The following PDIA5 variants were observed in gnomAD, a reference collection of about 807,000 sequenced individuals.
PDIA5 encodes protein disulfide-isomerase A5.
A neutral mutation model predicts 77.6 loss-of-function variants in PDIA5; 58 were observed. The observed-to-expected ratio is 0.75, with a 90% CI of 0.61 to 0.93. The LOEUF is 0.93. Among genes scored for constraint, PDIA5 ranks in the 40% least tolerant of loss-of-function variants. The probability of loss-of-function intolerance (pLI) is 0.00; values close to 1 mark genes in which losing one functional copy is unlikely to be tolerated. For synonymous variants in PDIA5, 250 were observed against 252.1 expected, an observed-to-expected ratio of 0.99 and a Z score of 0.08; for missense variants, 630 against 647.7, an observed-to-expected ratio of 0.97 and a Z score of 0.30.
intron 15 of PDIA5, among the ~76,000 whole-genome samples, chr3:123,159,544 T>A (rs1936105178): frequency 6.6e-6 from 1 of 152,214 alleles, no homozygotes; most frequent in Non-Finnish European, 1.5e-5. Flanking sequence ...GTCTTCTGAC[T>A]TTTAAAGAGA....
intron 10 of PDIA5, among the ~76,000 whole-genome samples, chr3:123,127,426 G>A (rs999381247): frequency 6.6e-6 from 1 of 152,172 alleles, no homozygotes; most frequent in Non-Finnish European, 1.5e-5. Context: ...AGGAGCATTT[G>A]GGTAGTACTT....
At chr3:123,147,099 C>A (rs1935792160) in intron 13 of PDIA5, among the ~76,000 whole-genome samples, 1 of 152,180 alleles carries the variant, frequency 6.6e-6, no homozygotes, top group East Asian at 1.9e-4. Context: ...GCGTGAACCA[C>A]CATGTGCAGC....
At chr3:123,139,043 A>G (rs2107974556) in intron 11 of PDIA5, among the ~76,000 whole-genome samples, 1 of 152,372 alleles carries the variant, frequency 6.6e-6, no homozygotes, top group East Asian at 1.9e-4. Context: ...CAACATTCCC[A>G]CAGCCAGAAA....
At chr3:123,149,239 A>C (rs1935830796) in intron 13 of PDIA5, among the ~76,000 whole-genome samples, 1 of 152,208 alleles carries the variant, frequency 6.6e-6, no homozygotes, top group African/African-American at 2.4e-5. Context: ...CCTGAAAAAC[A>C]CCTGGAAATA....
intron 1 of PDIA5, 58 bp downstream of exon 1, chr3:123,067,264 C>A: frequency 8.4e-7 from 1 of 1,196,928 alleles, no homozygotes; most frequent in Non-Finnish European, 1.1e-6. Context: ...GCGTGCCCTT[C>A]TGCGCTCTCT....
In PDIA5 at chr3:123,160,302, C is replaced by T. The variant is rs373332224; in HGVS notation, c.1345-1019C>T. Among the ~76,000 whole-genome samples, 14 of 152,350 alleles carry T rather than the reference C, an allele frequency of 9.2e-5. No homozygotes were observed. The East Asian group carries it at 2.5e-3, about 27-fold the overall frequency. ...TCAACCGGAAACAAGTTCCCCATTT[C>T]TGCTTTATACTGTCTTCCTTTGAAA... is the stretch of plus-strand genomic sequence containing the variant. On this transcript the variant is annotated intron_variant, in intron 15 of 16. Coordinates refer to ENST00000316218, the MANE Select transcript of PDIA5 (RefSeq NM_006810.4).
chr3:123,141,794 G>C (rs1935642894), intron 11 of PDIA5, among the ~76,000 whole-genome samples: 1 of 152,214 alleles, frequency 6.6e-6, no homozygotes, highest in Non-Finnish European at 1.5e-5. Context: ...CTCATATTAA[G>C]TCAGTAGAAC....
At chr3:123,093,899 C>T (rs970105710) in intron 3 of PDIA5, among the ~76,000 whole-genome samples, 4 of 152,210 alleles carry the variant, frequency 2.6e-5, no homozygotes, top group East Asian at 1.9e-4. Flanking sequence ...CAGGCAGCCA[C>T]CTATGGAGTG....
chr3:123,113,673 T>A (rs1253661608), intron 7 of PDIA5, among the ~76,000 whole-genome samples: 1 of 152,208 alleles, frequency 6.6e-6, no homozygotes, highest in Admixed American at 6.5e-5. Flanking sequence ...CATGGCATCA[T>A]AATTCAGCTG....
intron 1 of PDIA5, among the ~76,000 whole-genome samples, chr3:123,071,441 T>G (rs1354253209): frequency 6.6e-6 from 1 of 152,196 alleles, no homozygotes; most frequent in Non-Finnish European, 1.5e-5. Flanking sequence ...CCTGTAGAGC[T>G]TTTAAGGTAC....
intron 11 of PDIA5, among the ~76,000 whole-genome samples, chr3:123,143,840 G>T (rs1308960690): frequency 6.6e-6 from 1 of 152,194 alleles, no homozygotes; most frequent in Non-Finnish European, 1.5e-5. Context: ...CACTCCCTGG[G>T]CTGCATTCCA....
chr3:123,119,900 AT>A (rs10713751), intron 8 of PDIA5, among the ~76,000 whole-genome samples: 34,228 of 152,056 alleles, frequency 0.23, 4,198 homozygotes, highest in African/African-American at 0.32. Context: ...GTTCAACCTG[AT>A]TGACATCATT....
rs1935929336 is a variant in PDIA5 at position 123,152,135 on chromosome 3, TCCTGCCTGCCTTCCTTTCTGCCTTCCAG to T, written c.1273+1786_1273+1813del. On this transcript the variant is annotated intron_variant, in intron 14 of 16. Transcript: ENST00000316218. Reference sequence around the variant, plus strand: ...TTCCTTCCTTCCTTCCTGCCTTCCTTCCTGCCTGCCTTCCTTTCTGCCTTCCAGCCTGCCTGCCTTCCCGCCTGCCTTC... The same window carrying T: ...TTCCTTCCTTCCTTCCTGCCTTCCTTCCTGCCTGCCTTCCCGCCTGCCTTC... 4.9e-5 allele frequency among the ~76,000 whole-genome samples: 7 copies of T among 142,368 alleles called. No homozygotes were observed. In the South Asian group the frequency reaches 1.6e-3, roughly 33 times the overall value. The allele number at this position is 142,368 out of a possible 152,430, so 93.4% of individuals were successfully genotyped here. A position where few individuals can be genotyped will look rare whatever the true frequency, so the allele number is the denominator to read the frequency against.
At chr3:123,092,747 C>T (rs1179425201) in intron 3 of PDIA5, among the ~76,000 whole-genome samples, 1 of 152,108 alleles carries the variant, frequency 6.6e-6, no homozygotes, top group Non-Finnish European at 1.5e-5. Context: ...GGGGGCCTTC[C>T]TGTCTTACAG....
chr3:123,159,277 G>A (rs988730956), intron 15 of PDIA5, among the ~76,000 whole-genome samples: 1 of 152,192 alleles, frequency 6.6e-6, no homozygotes, highest in African/African-American at 2.4e-5. Flanking sequence ...GTGTCCCTGG[G>A]CAGGGCCCCA....
intron 8 of PDIA5, among the ~76,000 whole-genome samples, chr3:123,121,359 G>A (rs762972891): frequency 6.6e-6 from 1 of 152,240 alleles, no homozygotes; most frequent in Non-Finnish European, 1.5e-5. Flanking sequence ...CAAGCATGCA[G>A]ATGGCAGTGG....
At position 123,146,120 on chromosome 3, in the gene PDIA5, G is replaced by C; in HGVS notation, c.1003G>C (p.Val335Leu). The C allele has an allele frequency of 6.2e-7, 1 of 1,614,224 alleles. No homozygotes were observed. The highest frequency in any genetic ancestry group is 8.5e-7 in the Non-Finnish European group (1 of 1,180,028). The change falls in exon 13 of 17, where the codon GTC (valine) becomes CTC (leucine). Residue 335 changes from valine (V) to leucine (L), a missense_variant. Val to Leu is a conservative substitution (Grantham distance 32, BLOSUM62 1). Coordinates refer to ENST00000316218, the MANE Select transcript of PDIA5 (RefSeq NM_006810.4). ...EADSSGVLAA[V>L]DATVNKALAE... ...CCAGAGCTCTGGTGTCCTTGCAGCTGTCGATGCCACTGTCAACAAGGCCCT... is the reference window on the plus strand; with the variant it reads ...CCAGAGCTCTGGTGTCCTTGCAGCTCTCGATGCCACTGTCAACAAGGCCCT...
intron 6 of PDIA5, among the ~76,000 whole-genome samples, chr3:123,107,751 A>G (rs541131025): frequency 3.0e-4 from 46 of 152,254 alleles, no homozygotes; most frequent in African/African-American, 9.4e-4. Context: ...AAAATAAAAC[A>G]TAGCTTTCAT....
intron 3 of PDIA5, among the ~76,000 whole-genome samples, chr3:123,101,649 A>G (rs1934599514): frequency 6.6e-6 from 1 of 152,236 alleles, no homozygotes; most frequent in African/African-American, 2.4e-5. Context: ...TCCAAAAACA[A>G]AAATCTTGCT....
Sources: allele counts gnomAD v4.1 joint callset (sites outside exome capture counted in the v4.1 genomes callset), GRCh38; gene constraint gnomAD v4.1.1; transcripts MANE v1.5; gene names NCBI Gene and HGNC (gene_info 2026-07-23, HGNC 2026-07-21).